Variants in EMCN observed in about 807,000 individuals in gnomAD.
EMCN encodes the protein MUC-14.
A neutral mutation model predicts 38.4 loss-of-function variants in EMCN; 37 were observed. The observed-to-expected ratio is 0.96, with a 90% confidence interval of 0.74 to 1.27. EMCN has a LOEUF of 1.27. Among genes scored for constraint, EMCN ranks in the 50% most tolerant of loss-of-function variants. The probability of loss-of-function intolerance (pLI) is 0.00; values close to 1 mark genes in which losing one functional copy is unlikely to be tolerated. For synonymous variants in EMCN, 95 were observed against 100.8 expected (o/e 0.94, Z 0.35); for missense variants, 318 against 302.8 (o/e 1.05, Z -0.37).
chr4:100,434,318 A>C (rs1727287518), intron 5 of EMCN, among the ~76,000 whole-genome samples: 1 of 148,918 alleles, frequency 6.7e-6, no homozygotes, highest in South Asian at 2.1e-4. Context: ...CCAGGAAAAA[A>C]CTGAATCCCT....
At chr4:100,440,579 T>A (rs1283949939) in intron 5 of EMCN, among the ~76,000 whole-genome samples, 1 of 152,066 alleles carries the variant, frequency 6.6e-6, no homozygotes, top group East Asian at 1.9e-4. Context: ...TTCACTCTTT[T>A]TAATGGCTGA....
chr4:100,482,754 A>G (rs1728845342), intron 1 of EMCN, among the ~76,000 whole-genome samples: 1 of 152,142 alleles, frequency 6.6e-6, no homozygotes, highest in African/African-American at 2.4e-5. Context: ...CCTAGGAAAG[A>G]CAATGGGAAA....
chr4:100,462,895 A>C (rs2110260895), intron 4 of EMCN, among the ~76,000 whole-genome samples: 1 of 152,246 alleles, frequency 6.6e-6, no homozygotes, highest in East Asian at 1.9e-4. Flanking sequence ...ATGTTTCTGA[A>C]GTTTCTAGAC....
In EMCN at chr4:100,479,990, T is replaced by A; in HGVS notation, c.114A>T (p.Pro38=). The A allele has an allele frequency of 6.2e-7, 1 of 1,602,032 alleles. No homozygotes were observed. Among genetic ancestry groups the A allele is most frequent in the Non-Finnish European group, 8.5e-7 (1 of 1,177,700 alleles). Residue 38 remains proline, a synonymous_variant, in exon 2 of 12, where the codon CCA becomes CCT. Transcript: ENST00000296420. ...ATTCTGTGTTTGGTGTTGTTATAGA[T>A]GGTTTTGTTGTAGTAACAACAAGTG... ...NNSLVVTTTK[P]SITTPNTESL...
intron 3 of EMCN, among the ~76,000 whole-genome samples, chr4:100,469,263 T>C (rs1230785248): frequency 6.6e-6 from 1 of 152,046 alleles, no homozygotes; most frequent in Non-Finnish European, 1.5e-5. Context: ...AAATGTAATA[T>C]CTGAAATCAT....
chr4:100,477,152 A>G (rs1728682664), intron 2 of EMCN, among the ~76,000 whole-genome samples: 1 of 152,198 alleles, frequency 6.6e-6, no homozygotes, highest in African/African-American at 2.4e-5. Flanking sequence ...TGTTAGTATC[A>G]CTGTTGAGAA....
At chr4:100,421,919 A>C (rs546039120) in intron 7 of EMCN, among the ~76,000 whole-genome samples, 1 of 152,132 alleles carries the variant, frequency 6.6e-6, no homozygotes, top group South Asian at 2.1e-4. Context: ...AGAGATGTGT[A>C]TGTGTGTCTG....
intron 5 of EMCN, among the ~76,000 whole-genome samples, chr4:100,432,982 A>G (rs1727245410): frequency 1.3e-5 from 2 of 152,170 alleles, no homozygotes; most frequent in African/African-American, 2.4e-5. Flanking sequence ...TTTCTGTGGC[A>G]AGAGCATGGA....
intron 5 of EMCN, among the ~76,000 whole-genome samples, chr4:100,445,664 G>A (rs982156782): frequency 1.2e-4 from 18 of 151,904 alleles, no homozygotes; most frequent in African/African-American, 4.4e-4. Flanking sequence ...CACAAATTTG[G>A]TATTTTAACA....
intron 5 of EMCN, among the ~76,000 whole-genome samples, chr4:100,445,624 G>T (rs562183867): frequency 1.2e-4 from 18 of 152,152 alleles, no homozygotes; most frequent in African/African-American, 4.3e-4. Flanking sequence ...TTAATAATAT[G>T]CCTGCCTTTA....
rs534620922 is a variant in EMCN at position 100,432,979 on chromosome 4, G to C, written c.416-9575C>G. 1.4e-3 allele frequency among the ~76,000 whole-genome samples: 207 copies of C among 152,142 alleles called. 1 individual carries two copies. Among genetic ancestry groups the C allele is most frequent in the African/African-American group, 4.7e-3 (197 of 41,492 alleles). The stretch of plus-strand genomic sequence containing the variant: ...AATTATACACTTTAGTTGTTTCTGT[G>C]GCAAGAGCATGGAAATCTACTCATT... On this transcript the variant is annotated intron_variant, in intron 5 of 11. Transcript: ENST00000296420.
chr4:100,435,070 A>G (rs191697295), intron 5 of EMCN, among the ~76,000 whole-genome samples: 2 of 152,324 alleles, frequency 1.3e-5, no homozygotes, highest in African/African-American at 4.8e-5. Context: ...AAATAGAAAG[A>G]GAGGAAGTCA....
intron 4 of EMCN, among the ~76,000 whole-genome samples, chr4:100,455,136 TTTGGA>T (rs1475051775): frequency 2.6e-5 from 4 of 152,094 alleles, no homozygotes; most frequent in Non-Finnish European, 5.9e-5. Context: ...ATTGCCTTCT[TTTGGA>T]TTGAGTCTTT....
chr4:100,505,382 G>A, intron 1 of EMCN, among the ~76,000 whole-genome samples: 1 of 152,180 alleles, frequency 6.6e-6, no homozygotes, highest in East Asian at 1.9e-4. Flanking sequence ...GCCAGGGAAA[G>A]AGGTATTGGA....
intron 11 of EMCN, among the ~76,000 whole-genome samples, chr4:100,398,732 T>G (rs997684783): frequency 6.6e-6 from 1 of 152,178 alleles, no homozygotes; most frequent in East Asian, 1.9e-4. Flanking sequence ...ATCATGAAAT[T>G]TTTAACCTCC....
At chr4:100,410,862 C>T (rs1012081726) in intron 10 of EMCN, among the ~76,000 whole-genome samples, 1 of 152,124 alleles carries the variant, frequency 6.6e-6, no homozygotes. Flanking sequence ...TACTCAAAAT[C>T]CCAGTGCTAT....
chr4:100,451,414 A>G (rs138440084), intron 4 of EMCN, among the ~76,000 whole-genome samples: 57 of 152,000 alleles, frequency 3.8e-4, no homozygotes, highest in Middle Eastern at 3.4e-3. Flanking sequence ...TAAAAAATAT[A>G]CAAATGGGAC....
rs183475063 is a variant in EMCN, at chr4:100,512,100, C to T, written c.64+5751G>A. The stretch of plus-strand genomic sequence containing the variant: ...AAGCGGCTGTCAGGTTACACCCGTG[C>T]GTAGCTGGTTGCCATAGCAATGGCT... On this transcript the variant is annotated intron_variant, in intron 1 of 11. Transcript: ENST00000296420. 1.7e-4 allele frequency among the ~76,000 whole-genome samples: 26 copies of T among 152,254 alleles called. No individual in the cohort carries two copies. The East Asian group carries it at 1.9e-3, about 11-fold the overall frequency.
intron 1 of EMCN, chr4:100,486,916 G>T: frequency 1.0e-5 from 10 of 985,396 alleles, no homozygotes; most frequent in Non-Finnish European, 1.2e-5. Context: ...TTCACAAATG[G>T]ATAATTCTTC....
Sources: allele counts gnomAD v4.1 joint callset (sites outside exome capture counted in the v4.1 genomes callset), GRCh38; gene constraint gnomAD v4.1.1; transcripts MANE v1.5; gene names NCBI Gene and HGNC (gene_info 2026-07-23, HGNC 2026-07-21).